Variants in MTMR8 observed in about 807,000 individuals in gnomAD.
MTMR8 encodes the protein phosphatidylinositol-3,5-bisphosphate 3-phosphatase MTMR8.
In MTMR8, 65 loss-of-function variants were observed where a neutral mutation model predicts 39.3. That is an observed-to-expected ratio of 1.65 (90% confidence interval 1.35 to 2.03). The LOEUF (loss-of-function observed/expected upper bound fraction) is 2.03, where lower values mean the gene tolerates loss of function less well. Among genes scored for constraint, MTMR8 ranks in the 30% most tolerant of loss-of-function variants. MTMR8 has a pLI of 0.00. For missense variants in MTMR8, 777 were observed against 538.9 expected, an observed-to-expected ratio of 1.44 and a Z score of -4.37; for synonymous variants, 245 against 185.2, an observed-to-expected ratio of 1.32 and a Z score of -2.62.
At position 64,274,811 on chromosome X, in the gene MTMR8, G is replaced by A. The variant is rs6624676; in HGVS notation, c.1482-3738C>T. ...AAGTGAAATAAGCCAGACACAGAAA[G>A]ACAAAAACTATATCTTCTCACTTAC... On this transcript the variant is annotated intron_variant, in intron 12 of 13. Transcript: ENST00000374852. 2.3e-4 allele frequency among the ~76,000 whole-genome samples: 26 copies of A among 112,099 alleles called. No homozygotes were observed. In the East Asian group the frequency reaches 6.2e-3, roughly 27 times the overall value.
At chrX:64,314,158 C>T (rs963502868) in intron 12 of MTMR8, among the ~76,000 whole-genome samples, 2 of 112,521 alleles carry the variant, frequency 1.8e-5, no homozygotes, top group Admixed American at 9.4e-5. Context: ...CTAGAAGGGC[C>T]GAGGTGCTCA....
At chrX:64,279,484 G>T (rs765613825) in intron 12 of MTMR8, among the ~76,000 whole-genome samples, 7 of 111,854 alleles carry the variant, frequency 6.3e-5, no homozygotes, top group Non-Finnish European at 1.3e-4. Flanking sequence ...ATTTAAAGAT[G>T]ACACAAATGA....
intron 12 of MTMR8, among the ~76,000 whole-genome samples, chrX:64,293,759 C>T (rs776234719): frequency 1.8e-5 from 2 of 111,826 alleles, no homozygotes; most frequent in Admixed American, 9.5e-5. Context: ...AAGGAATCCC[C>T]TCACTCCTCA....
chrX:64,326,966 A>T (rs959732736), intron 12 of MTMR8, among the ~76,000 whole-genome samples: 12 of 111,529 alleles, frequency 1.1e-4, no homozygotes, highest in African/African-American at 3.9e-4. Flanking sequence ...GCTGAAAAAA[A>T]AATGGATGCC....
At chrX:64,326,050 A>G (rs967979430) in intron 12 of MTMR8, among the ~76,000 whole-genome samples, 5 of 112,133 alleles carry the variant, frequency 4.5e-5, no homozygotes, top group Non-Finnish European at 9.4e-5. Context: ...TATTATATGT[A>G]TTATACACTG....
At chrX:64,286,826 G>A (rs1174096620) in intron 12 of MTMR8, among the ~76,000 whole-genome samples, 3 of 111,244 alleles carry the variant, frequency 2.7e-5, no homozygotes, top group African/African-American at 9.8e-5. Context: ...AATAATAAGA[G>A]CTATTTATGA....
chrX:64,320,505 C>T (rs1416611037), intron 12 of MTMR8, among the ~76,000 whole-genome samples: 3 of 110,554 alleles, frequency 2.7e-5, no homozygotes, highest in East Asian at 2.8e-4. Context: ...ATTTTGCCCA[C>T]CTTGGAACTT....
chrX:64,312,222 C>T (rs1430135093), intron 12 of MTMR8, among the ~76,000 whole-genome samples: 3 of 111,478 alleles, frequency 2.7e-5, no homozygotes, highest in African/African-American at 6.5e-5. Context: ...CCTTCACATC[C>T]CTTGTAAGCT....
chrX:64,336,280 T>C, intron 9 of MTMR8, 152 bp from the exon 10 acceptor site: 1 of 410,978 alleles, frequency 2.4e-6, no homozygotes, highest in South Asian at 4.6e-5. Flanking sequence ...GTAACTTAGA[T>C]TTCATTCATA....
At chrX:64,350,652 G>GTA (rs1365143402) in intron 4 of MTMR8, among the ~76,000 whole-genome samples, 4 of 110,874 alleles carry the variant, frequency 3.6e-5, no homozygotes, top group Non-Finnish European at 7.6e-5. Flanking sequence ...AGTGAAAAAT[G>GTA]TATATATATA....
chrX:64,280,675 A>G (rs1931987284), intron 12 of MTMR8, among the ~76,000 whole-genome samples: 1 of 111,687 alleles, frequency 9.0e-6, no homozygotes, highest in Non-Finnish European at 1.9e-5. Flanking sequence ...CCTGTTCAAC[A>G]TAGTACTGGA....
intron 1 of MTMR8, among the ~76,000 whole-genome samples, chrX:64,362,423 G>A (rs561576764): frequency 0.016 from 745 of 45,558 alleles, 3 homozygotes; most frequent in Non-Finnish European, 0.022. Context: ...AGCTGTGGGG[G>A]AAAAAAATCA....
At chrX:64,390,204 A>G (rs1168875388) in intron 1 of MTMR8, among the ~76,000 whole-genome samples, 1 of 112,306 alleles carries the variant, frequency 8.9e-6, no homozygotes, top group Non-Finnish European at 1.9e-5. Flanking sequence ...TGTAGTTAAC[A>G]TGACTGAACA....
intron 1 of MTMR8, among the ~76,000 whole-genome samples, chrX:64,376,274 G>A (rs1924264683): frequency 8.9e-6 from 1 of 112,264 alleles, no homozygotes; most frequent in Non-Finnish European, 1.9e-5. Flanking sequence ...GCTTTGGGTG[G>A]AAAAGTTTGG....
At chrX:64,316,259 G>T (rs1304543888) in intron 12 of MTMR8, among the ~76,000 whole-genome samples, 2 of 111,861 alleles carry the variant, frequency 1.8e-5, no homozygotes, top group Non-Finnish European at 3.8e-5. Flanking sequence ...TCTCTTTAGA[G>T]AACTTCCTTA....
At chrX:64,300,464 G>T (rs1230024625) in intron 12 of MTMR8, among the ~76,000 whole-genome samples, 2 of 110,497 alleles carry the variant, frequency 1.8e-5, no homozygotes, top group African/African-American at 6.6e-5. Context: ...TTGAGCCTAT[G>T]TGTGTCTCTG....
chrX:64,385,937 C>A (rs1195836052), intron 1 of MTMR8, among the ~76,000 whole-genome samples: 1 of 111,091 alleles, frequency 9.0e-6, no homozygotes, highest in Non-Finnish European at 1.9e-5. Context: ...GAGGCCAGAC[C>A]AAACCAATAG....
chrX:64,318,343 A>C, intron 12 of MTMR8, among the ~76,000 whole-genome samples: 1 of 112,110 alleles, frequency 8.9e-6, no homozygotes, highest in East Asian at 2.8e-4. Flanking sequence ...TATTTGACAT[A>C]GAGCAGTTAT....
chrX:64,330,367 A>G (rs1248732275), intron 11 of MTMR8, among the ~76,000 whole-genome samples: 1 of 111,692 alleles, frequency 9.0e-6, no homozygotes, highest in African/African-American at 3.2e-5. Flanking sequence ...CCAAGTAAGT[A>G]CAAATGTTGA....
Sources: gnomAD v4.1 joint callset for allele counts (sites outside exome capture counted in the v4.1 genomes callset) on GRCh38, gnomAD v4.1.1 for gene constraint, MANE v1.5 for transcripts, NCBI Gene and HGNC (gene_info 2026-07-23, HGNC 2026-07-21) for gene names.